KPNA3: variants seen among roughly 807,000 people sequenced by gnomAD.
The protein encoded by KPNA3 is importin subunit alpha-4.
In KPNA3, 13 loss-of-function variants were observed where a neutral mutation model predicts 73.8. The observed-to-expected ratio is 0.18, with a 90% CI of 0.11 to 0.28. The LOEUF (loss-of-function observed/expected upper bound fraction) is 0.28. Ranked by LOEUF, KPNA3 falls within the 10% of genes least tolerant of loss-of-function variation. The pLI is 1.00. For synonymous variants in KPNA3, 186 were observed against 206.9 expected (o/e 0.90, Z 0.87); for missense variants, 360 against 618.1 (o/e 0.58, Z 4.43).
intron 1 of KPNA3, among the ~76,000 whole-genome samples, chr13:49,755,333 G>A (rs1219757416): frequency 1.3e-5 from 2 of 151,894 alleles, no homozygotes; most frequent in East Asian, 3.8e-4. Flanking sequence ...AAAAATAAAA[G>A]CCTAGAGTTA....
chr13:49,785,270 G>A (rs1954972897), intron 1 of KPNA3, among the ~76,000 whole-genome samples: 1 of 152,112 alleles, frequency 6.6e-6, no homozygotes, highest in African/African-American at 2.4e-5. Context: ...CAGGTAATAA[G>A]GCCTAAAGTA....
intron 1 of KPNA3, among the ~76,000 whole-genome samples, chr13:49,759,894 T>C (rs749610597): frequency 2.0e-5 from 3 of 151,010 alleles, no homozygotes; most frequent in Non-Finnish European, 3.0e-5. Context: ...TATCACCATT[T>C]TACAAATCCT....
intron 1 of KPNA3, among the ~76,000 whole-genome samples, chr13:49,791,904 G>T (rs1345223322): frequency 1.3e-5 from 2 of 152,190 alleles, no homozygotes; most frequent in African/African-American, 2.4e-5. Context: ...CAGTTACCCG[G>T]CTGGTCCCCA....
At chr13:49,734,487 AAAC>A (rs1232201893) in intron 2 of KPNA3, among the ~76,000 whole-genome samples, 3 of 152,236 alleles carry the variant, frequency 2.0e-5, no homozygotes, top group Non-Finnish European at 4.4e-5. Flanking sequence ...AAGAAAAGAA[AAAC>A]AAATAAACTA....
intron 6 of KPNA3, among the ~76,000 whole-genome samples, chr13:49,731,797 A>T (rs1446776101): frequency 6.6e-6 from 1 of 152,230 alleles, no homozygotes; most frequent in East Asian, 1.9e-4. Flanking sequence ...CCAGTTCCTC[A>T]AAAGATATCC....
At chr13:49,726,568 C>A (rs1954411465) in intron 6 of KPNA3, among the ~76,000 whole-genome samples, 1 of 151,634 alleles carries the variant, frequency 6.6e-6, no homozygotes, top group Non-Finnish European at 1.5e-5. Context: ...AAGGATGGGG[C>A]ATTGAAAAAG....
chr13:49,781,380 CTG>C (rs1954939299), intron 1 of KPNA3, among the ~76,000 whole-genome samples: 2 of 152,166 alleles, frequency 1.3e-5, no homozygotes, highest in South Asian at 4.1e-4. Context: ...CCCTTCCTAA[CTG>C]TATGTTCTTA....
chr13:49,735,092 C>G (rs887604437), intron 2 of KPNA3, among the ~76,000 whole-genome samples: 1 of 151,946 alleles, frequency 6.6e-6, no homozygotes, highest in Non-Finnish European at 1.5e-5. Flanking sequence ...TAACATAGAC[C>G]AAAATATCTA....
chr13:49,758,751 T>TAC (rs1470591874), intron 1 of KPNA3, among the ~76,000 whole-genome samples: 48 of 73,576 alleles, frequency 6.5e-4, no homozygotes, highest in African/African-American at 1.4e-3. Context: ...TACATATAAA[T>TAC]ATACACACAC....
At chr13:49,704,358 G>A (rs1035750323) in intron 15 of KPNA3, among the ~76,000 whole-genome samples, 12 of 151,400 alleles carry the variant, frequency 7.9e-5, no homozygotes, top group African/African-American at 2.2e-4. Flanking sequence ...GGGAGACGGA[G>A]GTTGCGGTGA....
At chr13:49,783,091 A>T (rs2137605617) in intron 1 of KPNA3, among the ~76,000 whole-genome samples, 1 of 152,286 alleles carries the variant, frequency 6.6e-6, no homozygotes, top group East Asian at 1.9e-4. Flanking sequence ...TTAATTTAAC[A>T]ACCTGAAGGC....
chr13:49,736,268 G>A (rs1374209992), intron 2 of KPNA3, among the ~76,000 whole-genome samples: 1 of 151,868 alleles, frequency 6.6e-6, no homozygotes, highest in African/African-American at 2.4e-5. Context: ...ATTACTGCTG[G>A]GTGACTACAT....
chr13:49,706,161 A>G lies in KPNA3; in HGVS notation c.1146T>C (p.Phe382=). 1 of 1,613,782 alleles carries G rather than the reference A, an allele frequency of 6.2e-7. No individual in the cohort carries two copies. The highest frequency in any genetic ancestry group is 8.5e-7 in the Non-Finnish European group (1 of 1,179,914). Residue 382 remains phenylalanine (F), a synonymous_variant, in exon 14 of 17, where the codon TTT becomes TTC. Transcript: ENST00000261667. The stretch of plus-strand genomic sequence containing the variant: ...CCCAAGCAGCTTCTTTTTGTGTTCC[A>G]AAGTCCCCCTGAAGGTTAAAAATGA... ...MIIHQLAKGD[F]GTQKEAAWAI... is the part of the protein sequence containing the mutation.
intron 1 of KPNA3, among the ~76,000 whole-genome samples, chr13:49,785,065 T>C (rs963045198): frequency 2.6e-5 from 4 of 151,594 alleles, no homozygotes; most frequent in Non-Finnish European, 5.9e-5. Context: ...AGAATAGAAA[T>C]AGCACTGGCG....
At chr13:49,764,566 CCCCAAT>C (rs1413579517) in intron 1 of KPNA3, among the ~76,000 whole-genome samples, 1 of 152,122 alleles carries the variant, frequency 6.6e-6, no homozygotes, top group African/African-American at 2.4e-5. Context: ...CAAATCTCCT[CCCCAAT>C]CCCAAGATCC....
chr13:49,774,697 A>C (rs376192469), intron 1 of KPNA3, among the ~76,000 whole-genome samples: 1 of 152,236 alleles, frequency 6.6e-6, no homozygotes, highest in South Asian at 2.1e-4. Flanking sequence ...CCACAAGCAT[A>C]TCATGTCCTC....
intron 10 of KPNA3, among the ~76,000 whole-genome samples, chr13:49,714,537 T>C (rs949398158): frequency 2.5e-4 from 38 of 151,950 alleles, no homozygotes; most frequent in Non-Finnish European, 2.8e-4. Context: ...AACTTCCATA[T>C]CAAAAATAAA....
In KPNA3 at chr13:49,792,551, G is replaced by A. The variant is rs376163982; in HGVS notation, c.-45C>T. ...GGCGGCTACTCCTGCGGCTGCGGCG[G>A]CGGCGGCGGCGAATCTTGGAGCGGG... On this transcript the variant is annotated 5_prime_UTR_variant, in exon 1 of 17. Coordinates refer to ENST00000261667, the MANE Select transcript of KPNA3 (RefSeq NM_002267.4). 4.3e-6 allele frequency: 6 copies of A among 1,394,652 alleles called. No individual in the cohort carries two copies. Among genetic ancestry groups the A allele is most frequent in the Non-Finnish European group, 5.9e-6 (6 of 1,010,568 alleles). The allele number at this position is 1,394,652 out of a possible 1,614,324, so 86.4% of individuals were successfully genotyped here.
At chr13:49,758,010 A>G (rs1468568673) in intron 1 of KPNA3, among the ~76,000 whole-genome samples, 1 of 152,164 alleles carries the variant, frequency 6.6e-6, no homozygotes, top group Non-Finnish European at 1.5e-5. Flanking sequence ...TTTTTAATAA[A>G]AATTTTAAAG....
Sources: gnomAD v4.1 joint callset for allele counts (sites outside exome capture counted in the v4.1 genomes callset) on GRCh38, gnomAD v4.1.1 for gene constraint, MANE v1.5 for transcripts, NCBI Gene and HGNC (gene_info 2026-07-23, HGNC 2026-07-21) for gene names.